The following TTC28 variants were observed in gnomAD, a reference collection of about 807,000 sequenced individuals.
The protein encoded by TTC28 is tetratricopeptide repeat domain 28.
In TTC28, 61 loss-of-function variants were observed where a neutral mutation model predicts 198.0. The ratio of observed to expected loss-of-function variants is 0.31; its 90% CI spans 0.25 to 0.38. The LOEUF is 0.38. TTC28 is among the 10% of genes least tolerant of loss of function. The probability of loss-of-function intolerance (pLI) is 1.00; values close to 1 mark genes in which losing one functional copy is unlikely to be tolerated. For synonymous variants in TTC28, 1,171 were observed against 1,297.8 expected, an observed-to-expected ratio of 0.90 and a Z score of 2.10; for missense variants, 2,678 against 3,164.0, an observed-to-expected ratio of 0.85 and a Z score of 3.69.
intron 2 of TTC28, among the ~76,000 whole-genome samples, chr22:28,595,471 TA>T (rs1213014296): frequency 6.6e-6 from 1 of 152,228 alleles, no homozygotes; most frequent in East Asian, 1.9e-4. Flanking sequence ...TATATTCCTT[TA>T]TTATAAAACC....
At chr22:28,311,763 ATATAAC>A (rs771437810) in intron 2 of TTC28, among the ~76,000 whole-genome samples, 113 of 152,220 alleles carry the variant, frequency 7.4e-4, no homozygotes, top group Admixed American at 1.4e-3. Context: ...TATTCATTCT[ATATAAC>A]TATATTTTTT....
chr22:28,593,469 C>CTAGGTAGG lies in TTC28; in HGVS notation c.381+36075_381+36082dup, dbSNP rs10542907. ...GGTAGATAGGTAGATAGGTAGGTAG[C>CTAGGTAGG]TAGGTAGGTAGGTAGGTAGGTAGGT... On this transcript the variant is annotated intron_variant, in intron 2 of 22. Transcript: ENST00000397906. Among the ~76,000 whole-genome samples, 579 of 148,308 alleles carry CTAGGTAGG rather than the reference C, an allele frequency of 3.9e-3. 2 individuals are homozygous for CTAGGTAGG. The highest frequency in any genetic ancestry group is 0.021 in the East Asian group (98 of 4,774).
rs1214901390 is a variant in TTC28 at position 28,233,897 on chromosome 22, C to T, written c.933+62301G>A. On this transcript the variant is annotated intron_variant, in intron 5 of 22. Coordinates refer to ENST00000397906, the MANE Select transcript of TTC28 (RefSeq NM_001145418.2). ...GGGACTACAGGCACCCACCACCACA[C>T]CTAGCAAATTAGTTTTTTTTTTTTT... Among the ~76,000 whole-genome samples the T allele has an allele frequency of 2.7e-5, 4 of 150,520 alleles. No homozygotes were observed. The South Asian group carries it at 8.4e-4, about 32-fold the overall frequency.
chr22:28,204,267 A>G (rs1926214107), intron 5 of TTC28, among the ~76,000 whole-genome samples: 2 of 152,254 alleles, frequency 1.3e-5, no homozygotes, highest in South Asian at 4.1e-4. Context: ...TTAGGAATTA[A>G]TACACTGTGA....
chr22:28,315,216 G>T (rs960440253), intron 2 of TTC28, among the ~76,000 whole-genome samples: 1 of 152,104 alleles, frequency 6.6e-6, no homozygotes, highest in African/African-American at 2.4e-5. Flanking sequence ...AGGAGGATGG[G>T]ACAAGGTGAA....
chr22:28,126,041 C>T (rs1328971264), intron 6 of TTC28, among the ~76,000 whole-genome samples: 1 of 152,026 alleles, frequency 6.6e-6, no homozygotes, highest in Admixed American at 6.5e-5. Context: ...GACACTGTAC[C>T]CCTGAGGCAA....
chr22:28,362,756 CAA>C (rs1482650792), intron 2 of TTC28, among the ~76,000 whole-genome samples: 1 of 152,110 alleles, frequency 6.6e-6, no homozygotes, highest in Non-Finnish European at 1.5e-5. Context: ...TATGTTTCAG[CAA>C]AGAGACTGGC....
intron 6 of TTC28, among the ~76,000 whole-genome samples, chr22:28,148,235 T>A (rs926444711): frequency 6.6e-6 from 1 of 152,212 alleles, no homozygotes; most frequent in African/African-American, 2.4e-5. Context: ...AAAATTAAAA[T>A]GATATCATAA....
At chr22:28,301,982 G>GAGGCTGCAGTT (rs1256860916) in intron 3 of TTC28, among the ~76,000 whole-genome samples, 1 of 151,906 alleles carries the variant, frequency 6.6e-6, no homozygotes, top group African/African-American at 2.4e-5. Flanking sequence ...AGGCTGCAGT[G>GAGGCTGCAGTT]AGCCATGACC....
At chr22:28,645,830 T>C (rs2051455663) in intron 1 of TTC28, among the ~76,000 whole-genome samples, 2 of 152,070 alleles carry the variant, frequency 1.3e-5, no homozygotes, top group Admixed American at 6.6e-5. Flanking sequence ...GAATGTGATC[T>C]CGGCTCACTG....
At chr22:28,019,601 G>A (rs1434975548) in intron 13 of TTC28, among the ~76,000 whole-genome samples, 1 of 152,202 alleles carries the variant, frequency 6.6e-6, no homozygotes, top group African/African-American at 2.4e-5. Context: ...GGGATGACCT[G>A]CTCTCTGCCG....
At chr22:28,486,851 C>T (rs1159010361) in intron 2 of TTC28, among the ~76,000 whole-genome samples, 1 of 152,160 alleles carries the variant, frequency 6.6e-6, no homozygotes, top group Admixed American at 6.6e-5. Flanking sequence ...ATCATTATGA[C>T]ATAAAATACC....
intron 5 of TTC28, among the ~76,000 whole-genome samples, chr22:28,166,793 G>A (rs1413399148): frequency 7.2e-5 from 11 of 152,148 alleles, no homozygotes; most frequent in African/African-American, 2.4e-4. Flanking sequence ...ACATTCAAAA[G>A]CTAGCAGAAG....
rs142298512 is a variant in TTC28, at chr22:28,310,294, A to C, written c.382-3651T>G. Among the ~76,000 whole-genome samples the C allele has an allele frequency of 1.2e-4, 19 of 152,296 alleles. No individual in the cohort carries two copies. The East Asian group carries it at 3.7e-3, about 29-fold the overall frequency. ...ATAACTAAAAGTAACTAATGCTGTA[A>C]AATTTCAGAGGTAACAAAAATGTAA... On this transcript the variant is annotated intron_variant, in intron 2 of 22. Coordinates refer to ENST00000397906, the MANE Select transcript of TTC28 (RefSeq NM_001145418.2).
chr22:28,049,612 T>C (rs1020867873), intron 12 of TTC28, among the ~76,000 whole-genome samples: 3 of 152,038 alleles, frequency 2.0e-5, no homozygotes, highest in Non-Finnish European at 4.4e-5. Context: ...GGGGACTGTA[T>C]AAGGGGTCAT....
intron 5 of TTC28, among the ~76,000 whole-genome samples, chr22:28,168,419 C>T (rs1922269255): frequency 6.6e-6 from 1 of 152,208 alleles, no homozygotes; most frequent in Non-Finnish European, 1.5e-5. Flanking sequence ...TGACTTCAAA[C>T]TATACTACAA....
intron 2 of TTC28, among the ~76,000 whole-genome samples, chr22:28,348,590 T>C (rs1189576393): frequency 6.6e-6 from 1 of 152,192 alleles, no homozygotes; most frequent in Non-Finnish European, 1.5e-5. Context: ...CTCCATGCCT[T>C]CAAAACAGGA....
chr22:28,678,730 A>G (rs1176230309), intron 1 of TTC28, among the ~76,000 whole-genome samples: 1 of 152,170 alleles, frequency 6.6e-6, no homozygotes. Context: ...CTTTCTACAG[A>G]TATTTTCTGA....
At chr22:28,421,559 T>C (rs2047253884) in intron 2 of TTC28, among the ~76,000 whole-genome samples, 1 of 152,204 alleles carries the variant, frequency 6.6e-6, no homozygotes, top group African/African-American at 2.4e-5. Context: ...TAATTATCTA[T>C]TTAAAGATGA....
Sources: gnomAD v4.1 joint callset for allele counts (sites outside exome capture counted in the v4.1 genomes callset) on GRCh38, gnomAD v4.1.1 for gene constraint, MANE v1.5 for transcripts, NCBI Gene and HGNC (gene_info 2026-07-23, HGNC 2026-07-21) for gene names.